The following ASTN2 variants were observed in gnomAD, a reference collection of about 807,000 sequenced individuals.
ASTN2 encodes astrotactin-2.
A neutral mutation model predicts 139.8 loss-of-function variants in ASTN2; 54 were observed. The observed-to-expected ratio is 0.39, with a 90% CI of 0.31 to 0.48. The LOEUF (loss-of-function observed/expected upper bound fraction) is 0.48, where lower values mean the gene tolerates loss of function less well. ASTN2 is among the 20% of genes least tolerant of loss of function. ASTN2 has a pLI of 0.95. For synonymous variants in ASTN2, 756 were observed against 719.5 expected (o/e 1.05, Z -0.81); for missense variants, 1,565 against 1,725.1 (o/e 0.91, Z 1.64).
chr9:116,818,096 G>A (rs1037082886), intron 12 of ASTN2, among the ~76,000 whole-genome samples: 4 of 151,908 alleles, frequency 2.6e-5, no homozygotes, highest in East Asian at 3.9e-4. Flanking sequence ...TAGTAACATC[G>A]CTTGTAGAAT....
chr9:116,520,645 T>C (rs1331283567), intron 19 of ASTN2, among the ~76,000 whole-genome samples: 1 of 152,108 alleles, frequency 6.6e-6, no homozygotes, highest in Non-Finnish European at 1.5e-5. Flanking sequence ...GTGGAAGTCC[T>C]AGCAAGAGCA....
At chr9:117,161,344 C>T (rs1470008646) in intron 3 of ASTN2, among the ~76,000 whole-genome samples, 1 of 152,008 alleles carries the variant, frequency 6.6e-6, no homozygotes, top group African/African-American at 2.4e-5. Flanking sequence ...AGAGAAAGCG[C>T]TTCCATTGAG....
chr9:116,944,181 G>A lies in ASTN2; in HGVS notation c.1889+31027C>T, dbSNP rs142322600. Among the ~76,000 whole-genome samples the A allele has an allele frequency of 5.7e-4, 87 of 152,000 alleles. 1 individual carries two copies. Among genetic ancestry groups the A allele is most frequent in the South Asian group, 5.0e-3 (24 of 4,800 alleles). Reference sequence around the variant, plus strand: ...AAAATGATTAAGCAAAATGCCCAGCGTCTTAATATGAGTAGGTAGCAGAGC... The same window carrying A: ...AAAATGATTAAGCAAAATGCCCAGCATCTTAATATGAGTAGGTAGCAGAGC... On this transcript the variant is annotated intron_variant, in intron 10 of 22. Coordinates refer to ENST00000313400, the MANE Select transcript of ASTN2 (RefSeq NM_001365068.1).
chr9:116,447,754 G>A (rs1402291686), intron 20 of ASTN2, among the ~76,000 whole-genome samples: 4 of 151,342 alleles, frequency 2.6e-5, no homozygotes, highest in African/African-American at 9.8e-5. Context: ...TGCCCGACAT[G>A]TGATATTGTG....
At chr9:116,982,070 C>T (rs939429010) in intron 7 of ASTN2, among the ~76,000 whole-genome samples, 1 of 152,186 alleles carries the variant, frequency 6.6e-6, no homozygotes, top group African/African-American at 2.4e-5. Context: ...TGATCATGAA[C>T]AATCTGTGTT....
intron 11 of ASTN2, among the ~76,000 whole-genome samples, chr9:116,842,791 T>C (rs984810768): frequency 1.3e-5 from 2 of 151,744 alleles, no homozygotes. Context: ...CAATAGTCCT[T>C]GGTAATGAAG....
At chr9:116,949,048 C>G (rs1208173802) in intron 10 of ASTN2, among the ~76,000 whole-genome samples, 1 of 152,112 alleles carries the variant, frequency 6.6e-6, no homozygotes, top group Admixed American at 6.5e-5. Flanking sequence ...CTCGGCCTCC[C>G]AAAGTGCTGA....
At chr9:116,665,490 G>A (rs1291283206) in intron 16 of ASTN2, among the ~76,000 whole-genome samples, 1 of 152,102 alleles carries the variant, frequency 6.6e-6, no homozygotes, top group Non-Finnish European at 1.5e-5. Flanking sequence ...TCTGCCTACT[G>A]AAAAGGCCTA....
At chr9:116,931,359 G>T (rs1379949295) in intron 10 of ASTN2, among the ~76,000 whole-genome samples, 1 of 152,164 alleles carries the variant, frequency 6.6e-6, no homozygotes, top group Non-Finnish European at 1.5e-5. Context: ...CCCTGTCACA[G>T]GTGCGAGTCA....
At chr9:117,170,111 T>C (rs1456694565) in intron 3 of ASTN2, among the ~76,000 whole-genome samples, 1 of 152,152 alleles carries the variant, frequency 6.6e-6, no homozygotes, top group Non-Finnish European at 1.5e-5. Context: ...TGTGAACTGC[T>C]AGACACACTG....
chr9:117,127,268 A>C (rs1206900659), intron 4 of ASTN2, among the ~76,000 whole-genome samples: 1 of 152,174 alleles, frequency 6.6e-6, no homozygotes, highest in Non-Finnish European at 1.5e-5. Flanking sequence ...TCCATGTTAC[A>C]ATCTGTGAAG....
chr9:116,725,708 C>A, intron 16 of ASTN2, 63 bp downstream of exon 16: 2 of 1,545,502 alleles, frequency 1.3e-6, no homozygotes, highest in Non-Finnish European at 1.8e-6. Context: ...TCAGTTGTCT[C>A]CCCAGACCCC....
chr9:116,629,462 G>A lies in ASTN2; in HGVS notation c.3073-9019C>T, dbSNP rs566064893. 7.9e-5 allele frequency among the ~76,000 whole-genome samples: 12 copies of A among 152,226 alleles called. No homozygotes were observed. The South Asian group carries it at 2.5e-3, about 32-fold the overall frequency. On this transcript the variant is annotated intron_variant, in intron 17 of 22. Coordinates refer to ENST00000313400, the MANE Select transcript of ASTN2 (RefSeq NM_001365068.1). ...GATGAGCAAGTGAAAGGTCAGAGAA[G>A]ATACTGGATCAAGGCCAACCAGACA...
At chr9:116,497,487 G>A (rs1425519084) in intron 19 of ASTN2, among the ~76,000 whole-genome samples, 6 of 152,258 alleles carry the variant, frequency 3.9e-5, no homozygotes, top group East Asian at 1.9e-4. Context: ...CTGCTTTTAC[G>A]TGCAGCCAAC....
intron 16 of ASTN2, among the ~76,000 whole-genome samples, chr9:116,667,826 C>T (rs1793504425): frequency 6.7e-6 from 1 of 148,810 alleles, no homozygotes; most frequent in South Asian, 2.2e-4. Flanking sequence ...TGCCCCCCCA[C>T]CCACCCACCT....
intron 16 of ASTN2, among the ~76,000 whole-genome samples, chr9:116,694,493 GCT>G (rs1239824682): frequency 8.5e-6 from 1 of 117,910 alleles, no homozygotes; most frequent in Non-Finnish European, 1.6e-5. Context: ...ATGGAGTCTC[GCT>G]CTGTCACCCA....
chr9:117,194,477 T>G (rs1335146336), intron 3 of ASTN2, among the ~76,000 whole-genome samples: 1 of 152,230 alleles, frequency 6.6e-6, no homozygotes, highest in Non-Finnish European at 1.5e-5. Context: ...CATGGTCCCA[T>G]GTAATGACAA....
At chr9:117,176,077 G>A (rs1439698873) in intron 3 of ASTN2, among the ~76,000 whole-genome samples, 1 of 151,410 alleles carries the variant, frequency 6.6e-6, no homozygotes, top group East Asian at 1.9e-4. Flanking sequence ...AATCAGGATT[G>A]AAAAAGAAAG....
chr9:116,507,480 A>G (rs1314412991), intron 19 of ASTN2, among the ~76,000 whole-genome samples: 1 of 151,954 alleles, frequency 6.6e-6, no homozygotes, highest in Non-Finnish European at 1.5e-5. Flanking sequence ...GGCAGTCAAC[A>G]CTCCATCATT....
Sources: gnomAD v4.1 joint callset for allele counts (sites outside exome capture counted in the v4.1 genomes callset) on GRCh38, gnomAD v4.1.1 for gene constraint, MANE v1.5 for transcripts, NCBI Gene and HGNC (gene_info 2026-07-23, HGNC 2026-07-21) for gene names.